RBFOX1: variants seen among roughly 807,000 people sequenced by gnomAD.
RBFOX1 encodes RNA binding fox-1 homolog 1.
Under a neutral mutation model 57.7 loss-of-function variants are expected in RBFOX1, and 8 were observed. The observed-to-expected ratio is 0.14, with a 90% confidence interval of 0.08 to 0.25. The LOEUF is 0.25. RBFOX1 is among the 10% of genes least tolerant of loss of function. The pLI is 1.00. For synonymous variants in RBFOX1, 326 were observed against 222.4 expected (o/e 1.47, Z -4.15); for missense variants, 611 against 548.5 (o/e 1.11, Z -1.14).
chr16:6,002,088 C>T (rs1258028015), intron 4 of RBFOX1, among the ~76,000 whole-genome samples: 2 of 151,696 alleles, frequency 1.3e-5, no homozygotes, highest in East Asian at 1.9e-4. Context: ...TGTCCCTCTT[C>T]AGCCTCCCCA....
intron 11 of RBFOX1, among the ~76,000 whole-genome samples, chr16:7,634,613 C>G (rs1157479178): frequency 6.6e-6 from 1 of 152,114 alleles, no homozygotes; most frequent in Non-Finnish European, 1.5e-5. Context: ...CAATGTGACC[C>G]AGGACTCATA....
At chr16:6,251,572 C>G (rs2097612577) in intron 1 of RBFOX1, among the ~76,000 whole-genome samples, 1 of 152,010 alleles carries the variant, frequency 6.6e-6, no homozygotes, top group Admixed American at 6.6e-5. Flanking sequence ...AAGCCTCCCC[C>G]TACCCCTTGG....
intron 1 of RBFOX1, among the ~76,000 whole-genome samples, chr16:6,171,118 G>A (rs892770791): frequency 5.3e-5 from 8 of 152,124 alleles, no homozygotes; most frequent in African/African-American, 1.4e-4. Flanking sequence ...TGATGGGATC[G>A]CTAGATCAAA....
chr16:7,600,636 G>T (rs994433124), intron 9 of RBFOX1, among the ~76,000 whole-genome samples: 7 of 152,134 alleles, frequency 4.6e-5, no homozygotes, highest in African/African-American at 1.7e-4. Context: ...TAAATTACTG[G>T]AGCTATCAAA....
chr16:6,882,791 A>T (rs11077097), intron 3 of RBFOX1, among the ~76,000 whole-genome samples: 38,862 of 151,726 alleles, frequency 0.26, 5,814 homozygotes, highest in East Asian at 0.45. Context: ...TGCAAGTGGC[A>T]TTCCTGGGGG....
At chr16:5,819,174 T>C (rs942988619) in intron 3 of RBFOX1, among the ~76,000 whole-genome samples, 1 of 152,144 alleles carries the variant, frequency 6.6e-6, no homozygotes, top group Non-Finnish European at 1.5e-5. Flanking sequence ...GAAGTGCAAA[T>C]CAAGGTGTCA....
chr16:7,356,470 C>G (rs2097216058), intron 4 of RBFOX1, among the ~76,000 whole-genome samples: 1 of 151,990 alleles, frequency 6.6e-6, no homozygotes, highest in Non-Finnish European at 1.5e-5. Flanking sequence ...CAAAAGAAGC[C>G]AGGATGGCCA....
At chr16:7,257,296 C>T (rs1263475456) in intron 4 of RBFOX1, among the ~76,000 whole-genome samples, 4 of 152,120 alleles carry the variant, frequency 2.6e-5, no homozygotes, top group South Asian at 2.1e-4. Context: ...TTTCCCAGAA[C>T]CCACACGCTT....
chr16:7,306,799 A>G (rs1195155109), intron 4 of RBFOX1, among the ~76,000 whole-genome samples: 2 of 152,176 alleles, frequency 1.3e-5, no homozygotes, highest in East Asian at 3.8e-4. Flanking sequence ...CACTTATTTT[A>G]TTTAGCATTC....
chr16:5,665,200 C>G (rs1370081400), intron 3 of RBFOX1, among the ~76,000 whole-genome samples: 3 of 151,876 alleles, frequency 2.0e-5, no homozygotes, highest in Non-Finnish European at 4.4e-5. Context: ...ATCCTCCCAC[C>G]TTAGTCTTCA....
chr16:6,738,088 A>C (rs534483414), intron 3 of RBFOX1, among the ~76,000 whole-genome samples: 1 of 152,166 alleles, frequency 6.6e-6, no homozygotes, highest in Non-Finnish European at 1.5e-5. Flanking sequence ...TTAAAAAAAA[A>C]AAAAAGTCAG....
At chr16:7,072,600 G>A (rs1415813481) in intron 4 of RBFOX1, among the ~76,000 whole-genome samples, 2 of 152,294 alleles carry the variant, frequency 1.3e-5, no homozygotes, top group South Asian at 4.1e-4. Context: ...CTGGCTACAA[G>A]ATAACCGTTA....
At chr16:6,699,780 C>G (rs918882823) in intron 3 of RBFOX1, among the ~76,000 whole-genome samples, 1 of 152,092 alleles carries the variant, frequency 6.6e-6, no homozygotes, top group Non-Finnish European at 1.5e-5. Context: ...GGCATAAGGA[C>G]ATGAACACAT....
chr16:7,391,748 G>A (rs534256618), intron 4 of RBFOX1, among the ~76,000 whole-genome samples: 1 of 152,300 alleles, frequency 6.6e-6, no homozygotes, highest in South Asian at 2.1e-4. Flanking sequence ...CTCAGCATAT[G>A]TGCCTTTTAT....
At chr16:6,625,275 GAGA>G (rs1279162026) in intron 2 of RBFOX1, among the ~76,000 whole-genome samples, 1 of 150,900 alleles carries the variant, frequency 6.6e-6, no homozygotes, top group African/African-American at 2.4e-5. Flanking sequence ...GTGCTAAAGT[GAGA>G]AGGACACAGA....
chr16:5,467,166 A>T, intron 1 of RBFOX1: 2 of 1,355,886 alleles, frequency 1.5e-6, no homozygotes, highest in Non-Finnish European at 2.0e-6. Flanking sequence ...ATGTAGACTC[A>T]ATGTTTCTTC....
intron 4 of RBFOX1, among the ~76,000 whole-genome samples, chr16:7,361,119 A>T (rs2097311625): frequency 1.3e-5 from 2 of 152,130 alleles, no homozygotes; most frequent in African/African-American, 2.4e-5. Flanking sequence ...CCAGGGACAG[A>T]AAGTGGACAC....
intron 4 of RBFOX1, among the ~76,000 whole-genome samples, chr16:7,058,016 A>AAAT (rs1555829834): frequency 2.6e-5 from 4 of 151,460 alleles, no homozygotes; most frequent in Non-Finnish European, 5.9e-5. Context: ...GAAAAAAAAA[A>AAAT]AAAAAACACG....
At chr16:6,385,188 A>T (rs141189821) in intron 2 of RBFOX1, among the ~76,000 whole-genome samples, 1 of 152,322 alleles carries the variant, frequency 6.6e-6, no homozygotes, top group East Asian at 1.9e-4. Flanking sequence ...AAAGCTGTTA[A>T]AGCTGGTTGA....
Sources: gnomAD v4.1 joint callset for allele counts (sites outside exome capture counted in the v4.1 genomes callset) on GRCh38, gnomAD v4.1.1 for gene constraint, MANE v1.5 for transcripts, NCBI Gene and HGNC (gene_info 2026-07-23, HGNC 2026-07-21) for gene names.